Variants in ICA1 observed in about 807,000 individuals in gnomAD.
The protein encoded by ICA1 is 69 kDa islet cell autoantigen.
Under a neutral mutation model 71.0 loss-of-function variants are expected in ICA1, and 40 were observed. The ratio of observed to expected loss-of-function variants is 0.56; its 90% CI spans 0.44 to 0.73. The LOEUF is 0.73. Ranked by LOEUF, ICA1 falls within the 30% of genes least tolerant of loss-of-function variation. The probability of loss-of-function intolerance (pLI) is 0.00; values close to 1 mark genes in which losing one functional copy is unlikely to be tolerated. For missense variants in ICA1, 578 were observed against 576.5 expected (o/e 1.00, Z -0.03); for synonymous variants, 207 against 209.5 (o/e 0.99, Z 0.10).
intron 5 of ICA1, among the ~76,000 whole-genome samples, chr7:8,220,734 T>A (rs570316699): frequency 6.6e-6 from 1 of 152,216 alleles, no homozygotes; most frequent in East Asian, 1.9e-4. Flanking sequence ...ACAACAGCGG[T>A]CTAGTTAAAA....
In ICA1 at chr7:8,222,278, G is replaced by A. The variant is rs1797347305; in HGVS notation, c.257-880C>T. Among the ~76,000 whole-genome samples, 2 of 152,158 alleles carry A rather than the reference G, an allele frequency of 1.3e-5. No individual in the cohort carries two copies. On this transcript the variant is annotated intron_variant, in intron 4 of 13. Coordinates refer to ENST00000402384, the MANE Select transcript of ICA1 (RefSeq NM_001136020.3). This position sits in a 1 kb window ranked among gnomAD's most constrained non-coding sequence, Gnocchi z 4.8. ...TACAGCATACCCACATAATGGTACA[G>A]TGGGGGTCCTGAACACACACCAGCA...
chr7:8,160,719 A>G (rs1360453706), intron 6 of ICA1, among the ~76,000 whole-genome samples: 1 of 152,214 alleles, frequency 6.6e-6, no homozygotes, highest in East Asian at 1.9e-4. Context: ...AGATCTGGGA[A>G]GATCAAAGAT....
At chr7:8,255,754 T>TA (rs1167998313) in intron 1 of ICA1, among the ~76,000 whole-genome samples, 2 of 150,826 alleles carry the variant, frequency 1.3e-5, no homozygotes, top group African/African-American at 4.9e-5. Context: ...CTGAATGGCC[T>TA]AAGTTGAAAA....
intron 6 of ICA1, among the ~76,000 whole-genome samples, chr7:8,164,047 C>T (rs983896439): frequency 1.3e-5 from 2 of 151,912 alleles, no homozygotes; most frequent in Admixed American, 6.6e-5. Flanking sequence ...GTGGCTCATG[C>T]CTGTAATCCG....
chr7:8,210,702 G>GA (rs1005053981), intron 6 of ICA1, among the ~76,000 whole-genome samples: 3 of 151,886 alleles, frequency 2.0e-5, no homozygotes, highest in Non-Finnish European at 4.4e-5. Context: ...ATAGCCAAAG[G>GA]AAAAAAATTT....
At chr7:8,187,547 C>T (rs1378462252) in intron 6 of ICA1, among the ~76,000 whole-genome samples, 3 of 152,194 alleles carry the variant, frequency 2.0e-5, no homozygotes, top group Non-Finnish European at 4.4e-5. Context: ...ACTTAGACTA[C>T]ACTAAATTTA....
At chr7:8,139,128 T>A in intron 10 of ICA1, 81 bp from the exon 11 acceptor site, 7 of 1,111,634 alleles carry the variant, frequency 6.3e-6, no homozygotes. Flanking sequence ...GTAAGGTAAA[T>A]GCACGGCTTC....
chr7:8,183,990 G>A (rs901103868), intron 6 of ICA1, among the ~76,000 whole-genome samples: 3 of 152,134 alleles, frequency 2.0e-5, no homozygotes, highest in South Asian at 2.1e-4. Context: ...TAAATTTATT[G>A]TTCATTGCAT....
At chr7:8,241,394 C>A (rs1039538585) in intron 1 of ICA1, among the ~76,000 whole-genome samples, 3 of 152,166 alleles carry the variant, frequency 2.0e-5, no homozygotes, top group Non-Finnish European at 4.4e-5. Flanking sequence ...CCAGGTCTAC[C>A]TTACAAGAGC....
chr7:8,160,052 T>G (rs1420372214), intron 6 of ICA1, among the ~76,000 whole-genome samples: 4 of 152,196 alleles, frequency 2.6e-5, no homozygotes, highest in African/African-American at 9.7e-5. Context: ...ATCATTATAT[T>G]GCCTAGCAAC....
At chr7:8,184,795 C>T (rs949884005) in intron 6 of ICA1, among the ~76,000 whole-genome samples, 5 of 152,126 alleles carry the variant, frequency 3.3e-5, no homozygotes, top group East Asian at 1.9e-4. Flanking sequence ...AAAGAAAAGG[C>T]GGGGTGCCGT....
chr7:8,184,719 A>C (rs1783343739), intron 6 of ICA1, among the ~76,000 whole-genome samples: 3 of 152,250 alleles, frequency 2.0e-5, no homozygotes, highest in Admixed American at 2.0e-4. Flanking sequence ...AAGATATTGG[A>C]AGGAGATGGG....
intron 5 of ICA1, among the ~76,000 whole-genome samples, chr7:8,219,131 G>C (rs1796270231): frequency 6.6e-6 from 1 of 152,172 alleles, no homozygotes. Flanking sequence ...TGAAAGTGAT[G>C]AAGTAGGTGT....
At chr7:8,177,273 T>A (rs1318409705) in intron 6 of ICA1, among the ~76,000 whole-genome samples, 2 of 152,212 alleles carry the variant, frequency 1.3e-5, no homozygotes, top group African/African-American at 4.8e-5. Flanking sequence ...TCAGGTTAAT[T>A]TGGTCAGTTT....
At chr7:8,196,317 G>A (rs910034320) in intron 6 of ICA1, among the ~76,000 whole-genome samples, 3 of 152,140 alleles carry the variant, frequency 2.0e-5, no homozygotes, top group Admixed American at 2.0e-4. Flanking sequence ...AACTATGAAG[G>A]CAGTAAAAAG....
At chr7:8,187,062 G>C in intron 6 of ICA1, among the ~76,000 whole-genome samples, 1 of 152,178 alleles carries the variant, frequency 6.6e-6, no homozygotes, top group East Asian at 1.9e-4. Context: ...TTATGAGCTT[G>C]ACGTGATTAC....
intron 6 of ICA1, among the ~76,000 whole-genome samples, chr7:8,167,410 G>C (rs12154497): frequency 0.068 from 10,295 of 152,222 alleles, 382 homozygotes; most frequent in East Asian, 0.2. Context: ...ACCTAGAGTA[G>C]AAGCTAAATA....
chr7:8,193,071 C>T (rs1057288520), intron 6 of ICA1, among the ~76,000 whole-genome samples: 1 of 152,186 alleles, frequency 6.6e-6, no homozygotes, highest in African/African-American at 2.4e-5. Flanking sequence ...TCTAGATATG[C>T]TCACTGCTAC....
intron 6 of ICA1, among the ~76,000 whole-genome samples, chr7:8,187,043 A>T (rs1784130393): frequency 6.6e-6 from 1 of 152,210 alleles, no homozygotes; most frequent in South Asian, 2.1e-4. Context: ...TTTAATCCTC[A>T]TTAGAATCTT....
Sources: allele counts gnomAD v4.1 joint callset (sites outside exome capture counted in the v4.1 genomes callset), GRCh38; gene constraint gnomAD v4.1.1; non-coding constraint Gnocchi (gnomAD v3.1); transcripts MANE v1.5; gene names NCBI Gene and HGNC (gene_info 2026-07-23, HGNC 2026-07-21).